ZNF705B: variants seen among roughly 807,000 people sequenced by gnomAD.
ZNF705B encodes zinc finger protein 705B.
ZNF705B carries 1 observed loss-of-function variant against 10.5 expected under a neutral mutation model. That is an observed-to-expected ratio of 0.10 (90% CI 0.03 to 0.45). The LOEUF (loss-of-function observed/expected upper bound fraction) is 0.45. Among genes scored for constraint, ZNF705B ranks in the 20% least tolerant of loss-of-function variants. ZNF705B has a pLI of 0.97. For synonymous variants in ZNF705B, 4 were observed against 25.4 expected (o/e 0.16, Z 2.53); for missense variants, 14 against 84.0 (o/e 0.17, Z 3.26).
In ZNF705B at chr8:7,933,070, C is replaced by T. The variant is rs1247368808; in HGVS notation, c.-72+2634C>T. On this transcript the variant is annotated intron_variant, in intron 2 of 6. Transcript: ENST00000400120. The stretch of plus-strand genomic sequence containing the variant: ...ATTGAGGTTTCCTGTGAAATTAAGG[C>T]TGTTAATCAGCTGACCTTAAAATAG... 5.0e-5 allele frequency among the ~76,000 whole-genome samples: 6 copies of T among 119,514 alleles called. 1 individual carries two copies. The highest frequency in any genetic ancestry group is 4.8e-4 in the East Asian group (2 of 4,178). 78.4% of individuals were successfully genotyped at this position (119,514 alleles called of 152,430 possible). A position where few individuals can be genotyped will look rare whatever the true frequency, so the allele number is the denominator to read the frequency against.
intron 2 of ZNF705B, chr8:7,934,688 GTGTC>G: frequency 4.6e-5 from 4 of 87,152 alleles, no homozygotes; most frequent in South Asian, 1.8e-4. Context: ...ATTTGTGTGT[GTGTC>G]TGTGTGTGTG....
At chr8:7,934,002 G>A (rs1264105524) in intron 2 of ZNF705B, among the ~76,000 whole-genome samples, 87 of 133,934 alleles carry the variant, frequency 6.5e-4, no homozygotes, top group African/African-American at 2.1e-3. Flanking sequence ...GTGCAGTGTC[G>A]GGATCTCGGC....
rs1388937828 is a variant in ZNF705B, at chr8:7,931,095, TGCC to T, written c.-72+660_-72+662del. Among the ~76,000 whole-genome samples, 6 of 120,218 alleles carry T rather than the reference TGCC, an allele frequency of 5.0e-5. 1 individual carries two copies. In the East Asian group the frequency reaches 1.4e-3, roughly 29 times the overall value. The allele number at this position is 120,218 out of a possible 152,430, so 78.9% of individuals were successfully genotyped here. ...CTTGAACTCCCGACCTCGGGTGATCTGCCCCCCTCAGCCTTCCAAAGTGCTAGG... is the reference window on the plus strand; with the variant it reads ...CTTGAACTCCCGACCTCGGGTGATCTCCCCTCAGCCTTCCAAAGTGCTAGG... On this transcript the variant is annotated intron_variant, in intron 2 of 6. Transcript: ENST00000400120.
intron 1 of ZNF705B, among the ~76,000 whole-genome samples, chr8:7,927,858 A>G (rs1476630054): frequency 8.8e-4 from 126 of 143,252 alleles, no homozygotes; most frequent in African/African-American, 2.8e-3. Flanking sequence ...CTCATCAACA[A>G]TCTACCTTTT....
intron 1 of ZNF705B, among the ~76,000 whole-genome samples, chr8:7,927,588 A>T (rs1355768202): frequency 1.8e-5 from 2 of 108,910 alleles, no homozygotes; most frequent in African/African-American, 2.6e-5. Flanking sequence ...TCTTCCTAAG[A>T]TTTTTTTTTT....
rs5889212 is a variant in ZNF705B, at chr8:7,930,846, GTTTTTTTTT to G, written c.-72+413_-72+421del. Among the ~76,000 whole-genome samples, 455 of 72,786 alleles carry G rather than the reference GTTTTTTTTT, an allele frequency of 6.3e-3. 3 individuals are homozygous for G. Among genetic ancestry groups the G allele is most frequent in the African/African-American group, 0.014 (440 of 32,488 alleles). 47.8% of individuals were successfully genotyped at this position (72,786 alleles called of 152,430 possible). ...AAAGATGTGTTGTGTTATTTTTTTTGTTTTTTTTTTTGTTGTTGTTGTTGTTTTGAGACA... is the reference window on the plus strand; with the variant it reads ...AAAGATGTGTTGTGTTATTTTTTTTGTTGTTGTTGTTGTTGTTTTGAGACA... On this transcript the variant is annotated intron_variant, in intron 2 of 6. Coordinates refer to ENST00000400120, the MANE Select transcript of ZNF705B (RefSeq NM_001193630.1).
chr8:7,932,509 T>G (rs994380743), intron 2 of ZNF705B, among the ~76,000 whole-genome samples: 1 of 121,550 alleles, frequency 8.2e-6, no homozygotes, highest in Non-Finnish European at 2.0e-5. Flanking sequence ...GTGTCCAAAC[T>G]GCTTCTTTTC....
In ZNF705B at chr8:7,940,771, C is replaced by T. The variant is rs568622293; in HGVS notation, c.-71-6580C>T. On this transcript the variant is annotated intron_variant, in intron 2 of 6. Transcript: ENST00000400120. ...CATGTTGTCACAAATGACAGGGTTT[C>T]GTTATTATGGAACACTGAACAATAT... is the stretch of plus-strand genomic sequence containing the variant. Among the ~76,000 whole-genome samples, 17 of 137,346 alleles carry T rather than the reference C, an allele frequency of 1.2e-4. 1 individual carries two copies. Among genetic ancestry groups the T allele is most frequent in the South Asian group, 9.7e-4 (4 of 4,120 alleles). The allele number at this position is 137,346 out of a possible 152,430, so 90.1% of individuals were successfully genotyped here.
chr8:7,927,263 A>G (rs1381032214), intron 1 of ZNF705B, among the ~76,000 whole-genome samples: 16 of 119,408 alleles, frequency 1.3e-4, no homozygotes, highest in African/African-American at 4.0e-4. Context: ...TAAAAGGCAA[A>G]GTTGTCCTTA....
rs1584994760 is a variant in ZNF705B, at chr8:7,928,492, T to C, written c.-221-1795T>C. Among the ~76,000 whole-genome samples the C allele has an allele frequency of 1.7e-5, 2 of 120,600 alleles. 1 individual carries two copies. Among genetic ancestry groups the C allele is most frequent in the Non-Finnish European group, 4.0e-5 (2 of 50,254 alleles). 79.1% of individuals were successfully genotyped at this position (120,600 alleles called of 152,430 possible). A position where few individuals can be genotyped will look rare whatever the true frequency, so the allele number is the denominator to read the frequency against. ...GGTAACCAGACAGTGCTTGTTACTTTAGAAGCTCACAGTGTAGAGAAGGAG... is the reference window on the plus strand; with the variant it reads ...GGTAACCAGACAGTGCTTGTTACTTCAGAAGCTCACAGTGTAGAGAAGGAG... On this transcript the variant is annotated intron_variant, in intron 1 of 6. Transcript: ENST00000400120.
intron 2 of ZNF705B, chr8:7,934,720 G>GTGTGTGTGTGTGTGTGTT: frequency 1.9e-5 from 2 of 105,310 alleles, no homozygotes; most frequent in South Asian, 4.7e-4. Context: ...GTGTGTGTGT[G>GTGTGTGTGTGTGTGTGTT]TTATTTGATT....
At chr8:7,928,658 CTT>C (rs1819762620) in intron 1 of ZNF705B, among the ~76,000 whole-genome samples, 1 of 96,126 alleles carries the variant, frequency 1.0e-5, no homozygotes, top group Admixed American at 1.4e-4. Flanking sequence ...TTAAGAAACT[CTT>C]TGGCCCCTAA....
Position 7,936,814 on chromosome 8 carries a change from A to C in ZNF705B, c.-72+6378A>C, listed in dbSNP as rs1820028563. On this transcript the variant is annotated intron_variant, in intron 2 of 6. Transcript: ENST00000400120. ...TATTCATACCCCAAACCTCAATATC[A>C]CACAATATATCCATGTAACAAATCT... 1.7e-5 allele frequency among the ~76,000 whole-genome samples: 2 copies of C among 120,038 alleles called. 1 individual carries two copies. The highest frequency in any genetic ancestry group is 1.9e-4 in the Admixed American group (2 of 10,406). The allele number at this position is 120,038 out of a possible 152,430, so 78.7% of individuals were successfully genotyped here.
At chr8:7,931,192 A>T (rs1219125462) in intron 2 of ZNF705B, among the ~76,000 whole-genome samples, 5 of 121,210 alleles carry the variant, frequency 4.1e-5, no homozygotes, top group East Asian at 2.3e-4. Flanking sequence ...GTAGATAGGC[A>T]TGCCCTCAAG....
At chr8:7,931,757 T>C (rs1338025114) in intron 2 of ZNF705B, among the ~76,000 whole-genome samples, 1 of 130,918 alleles carries the variant, frequency 7.6e-6, no homozygotes, top group Non-Finnish European at 1.8e-5. Flanking sequence ...GACTCTCCAC[T>C]TGAGAAGAGT....
intron 2 of ZNF705B, among the ~76,000 whole-genome samples, chr8:7,942,453 C>T (rs1820181440): frequency 1.2e-5 from 1 of 83,252 alleles, no homozygotes; most frequent in Non-Finnish European, 2.6e-5. Flanking sequence ...TGACCTCATT[C>T]CCTTACAATG....
In ZNF705B at chr8:7,931,087, G is replaced by A. The variant is rs1256996507; in HGVS notation, c.-72+651G>A. On this transcript the variant is annotated intron_variant, in intron 2 of 6. Coordinates refer to ENST00000400120, the MANE Select transcript of ZNF705B (RefSeq NM_001193630.1). ...AGGCTGGTCTTGAACTCCCGACCTC[G>A]GGTGATCTGCCCCCCTCAGCCTTCC... 6.7e-5 allele frequency among the ~76,000 whole-genome samples: 8 copies of A among 119,726 alleles called. 1 individual carries two copies. Among genetic ancestry groups the A allele is most frequent in the African/African-American group, 7.6e-5 (3 of 39,496 alleles). The allele number at this position is 119,726 out of a possible 152,430, so 78.5% of individuals were successfully genotyped here.
intron 2 of ZNF705B, among the ~76,000 whole-genome samples, chr8:7,937,387 C>A (rs1820044629): frequency 5.6e-5 from 6 of 106,460 alleles, no homozygotes; most frequent in African/African-American, 1.6e-4. Context: ...CTTCTCCAGG[C>A]TTGTTGCATC....
chr8:7,931,820 G>T (rs1288431109), intron 2 of ZNF705B, among the ~76,000 whole-genome samples: 3 of 128,432 alleles, frequency 2.3e-5, no homozygotes, highest in Non-Finnish European at 3.6e-5. Flanking sequence ...GAATGGCACT[G>T]CCAGTTCCCT....
Sources: gnomAD v4.1 joint callset for allele counts (sites outside exome capture counted in the v4.1 genomes callset) on GRCh38, gnomAD v4.1.1 for gene constraint, MANE v1.5 for transcripts, NCBI Gene and HGNC (gene_info 2026-07-23, HGNC 2026-07-21) for gene names.